The following NOX4 variants were observed in gnomAD, a reference collection of about 807,000 sequenced individuals.
NOX4 encodes the protein NADPH oxidase 4.
In NOX4, 69 loss-of-function variants were observed where a neutral mutation model predicts 87.6. The observed-to-expected ratio is 0.79, with a 90% confidence interval of 0.65 to 0.96. NOX4 has a LOEUF of 0.96. Among genes scored for constraint, NOX4 ranks in the 40% least tolerant of loss-of-function variants. The probability of loss-of-function intolerance (pLI) is 0.00; values close to 1 mark genes in which losing one functional copy is unlikely to be tolerated. For missense variants in NOX4, 680 were observed against 681.5 expected, an observed-to-expected ratio of 1.00 and a Z score of 0.02; for synonymous variants, 275 against 238.2, an observed-to-expected ratio of 1.15 and a Z score of -1.42.
chr11:89,455,713 T>A lies in NOX4; in HGVS notation c.154-3818A>T, dbSNP rs1284650190. 3.0e-5 allele frequency among the ~76,000 whole-genome samples: 3 copies of A among 100,512 alleles called. No homozygotes were observed. The East Asian group carries it at 7.9e-4, about 26-fold the overall frequency. The allele number at this position is 100,512 out of a possible 152,430, so 65.9% of individuals were successfully genotyped here. A position where few individuals can be genotyped will look rare whatever the true frequency, so the allele number is the denominator to read the frequency against. On this transcript the variant is annotated intron_variant, in intron 2 of 17. Transcript: ENST00000263317. ...AAACTCCCCACTGTTATCAAGAAGA[T>A]GAAGTCATATATATATATATATATA...
At chr11:89,518,626 T>C in the NOX4 span, among the ~76,000 whole-genome samples, 1 of 151,964 alleles carries the variant, frequency 6.6e-6, no homozygotes, top group Non-Finnish European at 1.5e-5. Flanking sequence ...CCACAGCACG[T>C]CCTCCTCCCT....
At chr11:89,377,141 A>T (rs1411639035) in intron 11 of NOX4, among the ~76,000 whole-genome samples, 1 of 152,242 alleles carries the variant, frequency 6.6e-6, no homozygotes, top group South Asian at 2.1e-4. Context: ...TTATATAATC[A>T]AATTTTAGGA....
At chr11:89,553,819 G>A in the NOX4 span, among the ~76,000 whole-genome samples, 1 of 151,768 alleles carries the variant, frequency 6.6e-6, no homozygotes, top group Non-Finnish European at 1.5e-5. Flanking sequence ...AGATAACTGG[G>A]GTGACCATTT....
the NOX4 span, among the ~76,000 whole-genome samples, chr11:89,528,184 C>G: frequency 6.6e-6 from 1 of 152,270 alleles, no homozygotes; most frequent in South Asian, 2.1e-4. Context: ...CCAATTTCTT[C>G]CATTTGGAAC....
chr11:89,452,102 T>C (rs987355380), intron 2 of NOX4, among the ~76,000 whole-genome samples: 1 of 152,144 alleles, frequency 6.6e-6, no homozygotes, highest in African/African-American at 2.4e-5. Flanking sequence ...CCACAAAACT[T>C]AGTACTCCTC....
chr11:89,335,688 C>T (rs374691912), intron 17 of NOX4, among the ~76,000 whole-genome samples, 157 bp downstream of exon 17: 1 of 151,810 alleles, frequency 6.6e-6, no homozygotes, highest in Admixed American at 6.6e-5. Flanking sequence ...TAGGACGATA[C>T]CTGCCTTACT....
chr11:89,355,923 G>T (rs754434762), intron 12 of NOX4, among the ~76,000 whole-genome samples: 1 of 152,206 alleles, frequency 6.6e-6, no homozygotes, highest in East Asian at 1.9e-4. Context: ...TGACATGAGA[G>T]AATGGACATT....
rs7943694 is a variant in NOX4 at position 89,460,431 on chromosome 11, C to T, written c.154-8536G>A. ...TACCTATCTGACAAAGGGCTAATATCCAGAATCTACGATGAACTCAAACAA... is the reference window on the plus strand; with the variant it reads ...TACCTATCTGACAAAGGGCTAATATTCAGAATCTACGATGAACTCAAACAA... On this transcript the variant is annotated intron_variant, in intron 2 of 17. Coordinates refer to ENST00000263317, the MANE Select transcript of NOX4 (RefSeq NM_016931.5). Among the ~76,000 whole-genome samples the T allele has an allele frequency of 8.8e-3, 1,341 of 152,254 alleles. 18 individuals are homozygous for T. Among genetic ancestry groups the T allele is most frequent in the African/African-American group, 0.031 (1,272 of 41,540 alleles).
chr11:89,555,274 A>G, the NOX4 span, among the ~76,000 whole-genome samples: 1 of 152,138 alleles, frequency 6.6e-6, no homozygotes, highest in South Asian at 2.1e-4. Context: ...GCTTGAGCCT[A>G]GGAATTTGAG....
chr11:89,561,064 T>C, the NOX4 span, among the ~76,000 whole-genome samples: 5 of 110,970 alleles, frequency 4.5e-5, no homozygotes, highest in African/African-American at 1.8e-4. Context: ...TATATATATA[T>C]ATATATATAT....
intron 12 of NOX4, among the ~76,000 whole-genome samples, chr11:89,364,505 T>C (rs1163257213): frequency 6.6e-6 from 1 of 152,082 alleles, no homozygotes; most frequent in Non-Finnish European, 1.5e-5. Flanking sequence ...TAAGGCCATG[T>C]CAAAGCAATA....
At chr11:89,575,496 A>G in the NOX4 span, among the ~76,000 whole-genome samples, 1 of 152,210 alleles carries the variant, frequency 6.6e-6, no homozygotes, top group African/African-American at 2.4e-5. Context: ...TAAGCCAAAT[A>G]TAATCATTGA....
chr11:89,535,094 C>G, the NOX4 span, among the ~76,000 whole-genome samples: 3 of 152,016 alleles, frequency 2.0e-5, no homozygotes, highest in African/African-American at 7.3e-5. Flanking sequence ...GTTCTTGTTA[C>G]ATTTTTTTCT....
chr11:89,543,021 A>G, the NOX4 span, among the ~76,000 whole-genome samples: 30 of 152,170 alleles, frequency 2.0e-4, no homozygotes, highest in African/African-American at 6.8e-4. Flanking sequence ...AGCTCTTTAG[A>G]AATGCCATCA....
At chr11:89,407,768 A>G (rs1942266794) in intron 8 of NOX4, among the ~76,000 whole-genome samples, 1 of 152,112 alleles carries the variant, frequency 6.6e-6, no homozygotes, top group Non-Finnish European at 1.5e-5. Context: ...TAATCAAAAC[A>G]TGATTTTATG....
intron 13 of NOX4, among the ~76,000 whole-genome samples, chr11:89,345,917 A>T (rs1034434029): frequency 1.3e-5 from 2 of 152,152 alleles, no homozygotes; most frequent in African/African-American, 4.8e-5. Flanking sequence ...CACCACTCTT[A>T]TTCAACATAG....
chr11:89,330,031 A>G (rs960720391), intron 17 of NOX4, among the ~76,000 whole-genome samples: 17 of 152,090 alleles, frequency 1.1e-4, no homozygotes, highest in Admixed American at 1.0e-3. Context: ...CTAGATGTCT[A>G]AAACAAAAAA....
At chr11:89,504,888 C>T in the NOX4 span, among the ~76,000 whole-genome samples, 3 of 152,022 alleles carry the variant, frequency 2.0e-5, no homozygotes, top group East Asian at 3.9e-4. Context: ...TTCTAATTCC[C>T]TTGTCTCACC....
In NOX4 at chr11:89,443,985, A is replaced by G. The variant is rs1005036137; in HGVS notation, c.447+150T>C. 2.1e-5 allele frequency: 13 copies of G among 627,406 alleles called. No homozygotes were observed. The African/African-American group carries it at 2.2e-4, about 11-fold the overall frequency. 38.9% of individuals were successfully genotyped at this position (627,406 alleles called of 1,614,324 possible). On this transcript the variant is annotated intron_variant, in intron 5 of 17. Transcript: ENST00000263317. ...GAAATAGTAATTACTTATATTTTCT[A>G]CTGAAAAGGAATAAAGCTCAACTTG...
Sources: allele counts gnomAD v4.1 joint callset (sites outside exome capture counted in the v4.1 genomes callset), GRCh38; gene constraint gnomAD v4.1.1; transcripts MANE v1.5; gene names NCBI Gene and HGNC (gene_info 2026-07-23, HGNC 2026-07-21).